CNTLN: variants seen among roughly 807,000 people sequenced by gnomAD.
CNTLN encodes centlein, centrosomal protein.
CNTLN carries 212 observed loss-of-function variants against 180.0 expected under a neutral mutation model. That is an observed-to-expected ratio of 1.18 (90% confidence interval 1.05 to 1.32). CNTLN has a LOEUF of 1.32. Ranked by LOEUF, CNTLN falls within the 40% of genes most tolerant of loss-of-function variation. The pLI is 0.00. For synonymous variants in CNTLN, 722 were observed against 563.1 expected, an observed-to-expected ratio of 1.28 and a Z score of -3.99; for missense variants, 2,095 against 1,610.9, an observed-to-expected ratio of 1.30 and a Z score of -5.14.
intron 2 of CNTLN, among the ~76,000 whole-genome samples, chr9:17,188,329 A>G (rs1297554133): frequency 6.6e-6 from 1 of 152,086 alleles, no homozygotes; most frequent in Non-Finnish European, 1.5e-5. Flanking sequence ...CCATGAGGGT[A>G]TATATCATGG....
chr9:17,263,836 G>C (rs1827195732), intron 5 of CNTLN, among the ~76,000 whole-genome samples: 1 of 143,176 alleles, frequency 7.0e-6, no homozygotes, highest in African/African-American at 2.7e-5. Flanking sequence ...CTGCATAAAT[G>C]TCTTCTTTTG....
At chr9:17,519,066 G>A in the CNTLN span, among the ~76,000 whole-genome samples, 2 of 137,574 alleles carry the variant, frequency 1.5e-5, no homozygotes, top group Non-Finnish European at 3.0e-5. Context: ...GGGACTACAG[G>A]TGTGTGCTAC....
At chr9:17,218,545 T>C (rs538950987) in intron 2 of CNTLN, among the ~76,000 whole-genome samples, 8 of 152,164 alleles carry the variant, frequency 5.3e-5, no homozygotes, top group African/African-American at 9.6e-5. Flanking sequence ...TTGATTTCTC[T>C]GAACTTCTGT....
chr9:17,149,048 A>G (rs556354579), intron 2 of CNTLN, among the ~76,000 whole-genome samples: 14 of 152,166 alleles, frequency 9.2e-5, no homozygotes, highest in Admixed American at 5.2e-4. Context: ...ACTCCCACTA[A>G]TGAGTGAGAA....
At chr9:17,182,247 C>T (rs1247214921) in intron 2 of CNTLN, among the ~76,000 whole-genome samples, 1 of 151,962 alleles carries the variant, frequency 6.6e-6, no homozygotes, top group Non-Finnish European at 1.5e-5. Context: ...TACTCCTTTC[C>T]TGGTCCGTAG....
At chr9:17,310,293 C>T (rs1388826033) in intron 8 of CNTLN, among the ~76,000 whole-genome samples, 4 of 151,880 alleles carry the variant, frequency 2.6e-5, no homozygotes, top group South Asian at 2.1e-4. Flanking sequence ...TATGAGGAAA[C>T]AGTTTATTGT....
chr9:17,473,880 A>AT (rs1271703419), intron 23 of CNTLN, among the ~76,000 whole-genome samples: 5 of 152,318 alleles, frequency 3.3e-5, no homozygotes, highest in Middle Eastern at 6.8e-3. Context: ...CCTTGGGAGC[A>AT]TTTGATATCG....
intron 25 of CNTLN, among the ~76,000 whole-genome samples, chr9:17,497,400 C>T (rs1833516974): frequency 6.6e-6 from 1 of 152,146 alleles, no homozygotes; most frequent in Non-Finnish European, 1.5e-5. Flanking sequence ...AATTTCTCTT[C>T]TATCTTACAT....
intron 2 of CNTLN, among the ~76,000 whole-genome samples, chr9:17,206,427 A>G (rs1161573410): frequency 6.6e-6 from 1 of 152,194 alleles, no homozygotes; most frequent in South Asian, 2.1e-4. Context: ...TACGCTTACC[A>G]CAGCCCAAGG....
chr9:17,379,980 C>G (rs1342609623), intron 13 of CNTLN, among the ~76,000 whole-genome samples: 1 of 152,174 alleles, frequency 6.6e-6, no homozygotes, highest in Non-Finnish European at 1.5e-5. Flanking sequence ...CTGTCAAGAG[C>G]TTAGCTGAAC....
chr9:17,166,323 A>G (rs1820067345), intron 2 of CNTLN, among the ~76,000 whole-genome samples: 2 of 152,198 alleles, frequency 1.3e-5, no homozygotes, highest in Non-Finnish European at 2.9e-5. Context: ...CAAAGATTAT[A>G]ACAGAGACAA....
the CNTLN span, among the ~76,000 whole-genome samples, chr9:17,515,355 T>G: frequency 6.6e-6 from 1 of 152,188 alleles, no homozygotes; most frequent in Non-Finnish European, 1.5e-5. Flanking sequence ...TTTTTTTTAA[T>G]AAATATTCAG....
chr9:17,383,456 G>C (rs1462761673), intron 13 of CNTLN, among the ~76,000 whole-genome samples: 3 of 151,906 alleles, frequency 2.0e-5, no homozygotes, highest in Non-Finnish European at 4.4e-5. Flanking sequence ...GGAGGTTACA[G>C]TGAGCTGAGA....
the CNTLN span, among the ~76,000 whole-genome samples, chr9:17,523,006 G>A: frequency 3.9e-5 from 6 of 152,114 alleles, no homozygotes; most frequent in Non-Finnish European, 8.8e-5. Context: ...AAATCACTGA[G>A]TAAAAGGTAC....
chr9:17,363,925 A>C (rs765656344), intron 12 of CNTLN, among the ~76,000 whole-genome samples: 3 of 152,108 alleles, frequency 2.0e-5, no homozygotes, highest in Non-Finnish European at 4.4e-5. Flanking sequence ...TGGCATGTGA[A>C]AGATATTAAT....
chr9:17,291,781 A>C (rs1249052563), intron 6 of CNTLN, among the ~76,000 whole-genome samples: 2 of 152,202 alleles, frequency 1.3e-5, no homozygotes, highest in African/African-American at 2.4e-5. Flanking sequence ...TGTGTCTTTT[A>C]ATCGGGGCAT....
chr9:17,166,680 A>C (rs1421580497), intron 2 of CNTLN: 2 of 270,292 alleles, frequency 7.4e-6, no homozygotes, highest in African/African-American at 4.7e-5. Flanking sequence ...GACATGGAGC[A>C]ATGCTTTTGT....
intron 5 of CNTLN, among the ~76,000 whole-genome samples, chr9:17,272,852 A>G (rs1828044025): frequency 6.6e-6 from 1 of 151,984 alleles, no homozygotes; most frequent in Non-Finnish European, 1.5e-5. Flanking sequence ...GTTGGGCACA[A>G]AGATAGAGTA....
At chr9:17,436,057 T>G (rs1377625765) in intron 18 of CNTLN, among the ~76,000 whole-genome samples, 4 of 152,194 alleles carry the variant, frequency 2.6e-5, no homozygotes, top group South Asian at 2.1e-4. Flanking sequence ...AGCCTCCTTT[T>G]GTGATATTTA....
Sources: gnomAD v4.1 joint callset for allele counts (sites outside exome capture counted in the v4.1 genomes callset) on GRCh38, gnomAD v4.1.1 for gene constraint, MANE v1.5 for transcripts, NCBI Gene and HGNC (gene_info 2026-07-23, HGNC 2026-07-21) for gene names.